Variants in DYM observed in about 807,000 individuals in gnomAD.
DYM encodes the protein dymeclin.
Under a neutral mutation model 93.1 loss-of-function variants are expected in DYM, and 78 were observed. The ratio of observed to expected loss-of-function variants is 0.84; its 90% CI spans 0.70 to 1.01. DYM has a LOEUF of 1.01. DYM is among the 50% of genes least tolerant of loss of function. DYM has a pLI of 0.00. For synonymous variants in DYM, 321 were observed against 319.7 expected, an observed-to-expected ratio of 1.00 and a Z score of -0.04; for missense variants, 789 against 845.0, an observed-to-expected ratio of 0.93 and a Z score of 0.82.
At chr18:49,376,805 G>C (rs1271336854) in intron 5 of DYM, among the ~76,000 whole-genome samples, 1 of 152,226 alleles carries the variant, frequency 6.6e-6, no homozygotes, top group African/African-American at 2.4e-5. Context: ...CAAAGTGTGA[G>C]TCAAGAAGAA....
At chr18:49,399,837 G>C (rs1338047522) in intron 2 of DYM, among the ~76,000 whole-genome samples, 1 of 151,570 alleles carries the variant, frequency 6.6e-6, no homozygotes, top group Admixed American at 6.6e-5. Flanking sequence ...GGCTCCTTAG[G>C]AAACACTTCC....
At chr18:49,300,735 T>C (rs566929503) in intron 8 of DYM, among the ~76,000 whole-genome samples, 1 of 152,324 alleles carries the variant, frequency 6.6e-6, no homozygotes, top group East Asian at 1.9e-4. Context: ...AAGTACATTG[T>C]ATAGATATAT....
At chr18:49,049,400 T>C (rs750496708) in intron 17 of DYM, among the ~76,000 whole-genome samples, 3 of 152,170 alleles carry the variant, frequency 2.0e-5, no homozygotes, top group Non-Finnish European at 4.4e-5. Context: ...CTAGGACACA[T>C]GGGGTCCCAG....
chr18:49,097,873 A>AGC (rs1555753659), intron 16 of DYM, among the ~76,000 whole-genome samples: 3 of 60,040 alleles, frequency 5.0e-5, no homozygotes, highest in Middle Eastern at 0.011. Flanking sequence ...GCTTAATATT[A>AGC]GCTCTCTCTC....
chr18:49,222,833 A>T (rs1012298729), intron 13 of DYM, among the ~76,000 whole-genome samples: 1 of 152,178 alleles, frequency 6.6e-6, no homozygotes, highest in East Asian at 1.9e-4. Context: ...AAATATGCAC[A>T]TAATATGGTA....
chr18:49,440,289 C>T (rs1287500100), intron 1 of DYM, among the ~76,000 whole-genome samples: 1 of 138,210 alleles, frequency 7.2e-6, no homozygotes, highest in Non-Finnish European at 1.5e-5. Context: ...ACAAATTCTA[C>T]ACTCTATTCC....
intron 13 of DYM, among the ~76,000 whole-genome samples, chr18:49,219,108 T>C (rs2093222649): frequency 1.3e-5 from 2 of 152,036 alleles, no homozygotes; most frequent in African/African-American, 2.4e-5. Context: ...CAAACTACCA[T>C]CAGAGAATAC....
intron 11 of DYM, among the ~76,000 whole-genome samples, chr18:49,264,384 C>A (rs1434523099): frequency 6.6e-6 from 1 of 151,984 alleles, no homozygotes; most frequent in African/African-American, 2.4e-5. Flanking sequence ...AGGACAAATT[C>A]CTCTCTAAAG....
chr18:49,194,456 T>G (rs920132357), intron 14 of DYM, among the ~76,000 whole-genome samples: 11 of 152,332 alleles, frequency 7.2e-5, no homozygotes, highest in African/African-American at 2.6e-4. Context: ...GGATCAAATA[T>G]GAATTTCATA....
rs756183855 is a variant in DYM, at chr18:49,392,994, C to CA, written c.141-1350dup. ...TGGGAGACAGAGTCAGACTCCATCT[C>CA]AAAAAAAAAAAAAGAAGAAGAAGAA... On this transcript the variant is annotated intron_variant, in intron 2 of 17. Transcript: ENST00000675505. 1.6e-3 allele frequency among the ~76,000 whole-genome samples: 100 copies of CA among 61,898 alleles called. 2 individuals carry two copies. The highest frequency in any genetic ancestry group is 4.6e-3 in the African/African-American group (77 of 16,912). The allele number at this position is 61,898 out of a possible 152,430, so 40.6% of individuals were successfully genotyped here.
At chr18:49,057,167 T>C (rs1019714860) in intron 17 of DYM, among the ~76,000 whole-genome samples, 7 of 152,216 alleles carry the variant, frequency 4.6e-5, no homozygotes, top group African/African-American at 1.7e-4. Context: ...CTGAACTTTT[T>C]TTTTGGTAAT....
chr18:49,105,943 G>A (rs923362552), intron 16 of DYM, among the ~76,000 whole-genome samples: 21 of 152,306 alleles, frequency 1.4e-4, no homozygotes, highest in Non-Finnish European at 2.2e-4. Context: ...TAAGAGCTGA[G>A]CTCAGTTCCT....
chr18:49,262,568 C>T (rs1274935363), intron 11 of DYM, among the ~76,000 whole-genome samples: 1 of 152,142 alleles, frequency 6.6e-6, no homozygotes, highest in Admixed American at 6.5e-5. Context: ...TATATTGATA[C>T]ATATAAGAAG....
At chr18:49,211,421 C>T (rs1180285064) in intron 13 of DYM, among the ~76,000 whole-genome samples, 1 of 152,126 alleles carries the variant, frequency 6.6e-6, no homozygotes, top group Non-Finnish European at 1.5e-5. Context: ...GTGAACATAT[C>T]TGATATGTCT....
At chr18:49,220,271 A>G (rs2093292741) in intron 13 of DYM, among the ~76,000 whole-genome samples, 1 of 149,810 alleles carries the variant, frequency 6.7e-6, no homozygotes, top group Non-Finnish European at 1.5e-5. Context: ...AAACAAATGG[A>G]AGAACATTCC....
At chr18:49,425,016 C>A (rs929015791) in intron 2 of DYM, among the ~76,000 whole-genome samples, 7 of 152,146 alleles carry the variant, frequency 4.6e-5, no homozygotes, top group African/African-American at 1.2e-4. Flanking sequence ...CTACCGATGA[C>A]TTTCTTTACA....
At chr18:49,399,666 G>A (rs1190149014) in intron 2 of DYM, among the ~76,000 whole-genome samples, 1 of 152,074 alleles carries the variant, frequency 6.6e-6, no homozygotes, top group Non-Finnish European at 1.5e-5. Flanking sequence ...TCATAAAACT[G>A]AGCACGCAGC....
At chr18:49,312,301 C>T (rs564914545) in intron 8 of DYM, among the ~76,000 whole-genome samples, 56 of 152,176 alleles carry the variant, frequency 3.7e-4, no homozygotes, top group South Asian at 4.1e-4. Flanking sequence ...ATCCTCAGAC[C>T]GGATTGAGAA....
intron 15 of DYM, among the ~76,000 whole-genome samples, chr18:49,161,818 A>G (rs912902889): frequency 6.6e-6 from 1 of 152,240 alleles, no homozygotes; most frequent in Non-Finnish European, 1.5e-5. Context: ...TCATTGACTG[A>G]TATCTGGACT....
Sources: allele counts gnomAD v4.1 joint callset (sites outside exome capture counted in the v4.1 genomes callset), GRCh38; gene constraint gnomAD v4.1.1; transcripts MANE v1.5; gene names NCBI Gene and HGNC (gene_info 2026-07-23, HGNC 2026-07-21).